Variants in CEP15 observed in about 807,000 individuals in gnomAD.
CEP15 encodes centrosomal protein 15 kDa.
chr3:62,319,110 G>C, the CEP15 span: 1 of 152,446 alleles, frequency 6.6e-6, no homozygotes, highest in Non-Finnish European at 1.5e-5. Context: ...GCCGCGCAGG[G>C]CCTTGCAGGA....
At chr3:62,325,137 G>C in the CEP15 span, among the ~76,000 whole-genome samples, 1 of 152,052 alleles carries the variant, frequency 6.6e-6, no homozygotes, top group African/African-American at 2.4e-5. Flanking sequence ...TTGGTGTGAA[G>C]ACAATTATTA....
At chr3:62,320,327 T>C in the CEP15 span, 3 of 578,008 alleles carry the variant, frequency 5.2e-6, no homozygotes, top group Non-Finnish European at 8.9e-6. Flanking sequence ...TTTCATTTTA[T>C]ACATTATTAC....
the CEP15 span, chr3:62,321,904 CTA>C: frequency 6.5e-7 from 1 of 1,540,448 alleles, no homozygotes. This position sits in a 1 kb window ranked among gnomAD's most constrained non-coding sequence, Gnocchi z 4.1. Flanking sequence ...TTTTTTAACT[CTA>C]TATAATCTTC....
the CEP15 span, among the ~76,000 whole-genome samples, chr3:62,321,231 A>G: frequency 6.6e-6 from 1 of 152,216 alleles, no homozygotes; most frequent in Non-Finnish European, 1.5e-5. This position sits in a 1 kb window ranked among gnomAD's most constrained non-coding sequence, Gnocchi z 4.1. Flanking sequence ...GAACAAAAAC[A>G]TATAAAATAA....
chr3:62,324,857 C>A, the CEP15 span, among the ~76,000 whole-genome samples: 1 of 151,974 alleles, frequency 6.6e-6, no homozygotes. Context: ...GATCTTCTGA[C>A]CAATATAATA....
the CEP15 span, among the ~76,000 whole-genome samples, chr3:62,331,604 T>C: frequency 6.6e-6 from 1 of 152,132 alleles, no homozygotes; most frequent in Non-Finnish European, 1.5e-5. Context: ...TTTTAAAAAG[T>C]TTAGCAGTTG....
the CEP15 span, among the ~76,000 whole-genome samples, chr3:62,326,401 A>T: frequency 9.8e-5 from 15 of 152,318 alleles, 1 homozygote; most frequent in South Asian, 2.9e-3. Flanking sequence ...AGATTAAAAG[A>T]TTAAAACCAG....
At chr3:62,335,923 TG>T in the CEP15 span, 1 of 152,060 alleles carries the variant, frequency 6.6e-6, no homozygotes, top group Non-Finnish European at 1.5e-5. Context: ...TCTTTAAACT[TG>T]AAAAAAAATT....
the CEP15 span, among the ~76,000 whole-genome samples, chr3:62,323,692 T>C: frequency 2.0e-5 from 3 of 152,188 alleles, no homozygotes; most frequent in African/African-American, 7.2e-5. Flanking sequence ...GAAATCGTAG[T>C]CATACATATA....
the CEP15 span, among the ~76,000 whole-genome samples, chr3:62,324,883 T>G: frequency 0.012 from 1,792 of 152,338 alleles, 16 homozygotes; most frequent in Middle Eastern, 0.048. Context: ...TAAAAAGGAA[T>G]GAGCTTTCAC....
At chr3:62,326,636 T>G in the CEP15 span, among the ~76,000 whole-genome samples, 2 of 152,276 alleles carry the variant, frequency 1.3e-5, no homozygotes, top group South Asian at 4.1e-4. Flanking sequence ...GGGAACTTGT[T>G]TTTTAACTGT....
At chr3:62,326,258 CT>C in the CEP15 span, among the ~76,000 whole-genome samples, 3 of 152,134 alleles carry the variant, frequency 2.0e-5, no homozygotes, top group Non-Finnish European at 2.9e-5. Context: ...CCTATCTCTC[CT>C]TTTTCCTTCT....
At chr3:62,333,226 CT>C in the CEP15 span, 1 of 1,602,324 alleles carries the variant, frequency 6.2e-7, no homozygotes. The surrounding 1 kb of genome is among the most constrained non-coding windows in gnomAD (Gnocchi z 4.0). Flanking sequence ...GCTTGATATG[CT>C]TTTTTACTTT....
At chr3:62,327,213 T>C in the CEP15 span, among the ~76,000 whole-genome samples, 1 of 152,252 alleles carries the variant, frequency 6.6e-6, no homozygotes, top group South Asian at 2.1e-4. Flanking sequence ...TAAATTGATC[T>C]AGAGCTGTGC....
At chr3:62,328,448 C>T in the CEP15 span, among the ~76,000 whole-genome samples, 2 of 152,150 alleles carry the variant, frequency 1.3e-5, no homozygotes, top group Non-Finnish European at 2.9e-5. Flanking sequence ...TGATGTAGCT[C>T]TTCTCTGTGT....
the CEP15 span, among the ~76,000 whole-genome samples, chr3:62,326,272 C>G: frequency 3.3e-5 from 5 of 152,166 alleles, no homozygotes; most frequent in African/African-American, 1.2e-4. Flanking sequence ...TTCCTTCTTA[C>G]ATTTCTCACC....
chr3:62,327,286 CAA>C, the CEP15 span, among the ~76,000 whole-genome samples: 1 of 152,128 alleles, frequency 6.6e-6, no homozygotes, highest in African/African-American at 2.4e-5. Flanking sequence ...CCACTTTTAA[CAA>C]AGTCAAAAGA....
At chr3:62,323,370 G>A in the CEP15 span, among the ~76,000 whole-genome samples, 1 of 152,118 alleles carries the variant, frequency 6.6e-6, no homozygotes, top group Non-Finnish European at 1.5e-5. Flanking sequence ...TGTTTCAATA[G>A]GCAGAAGGCA....
chr3:62,323,755 T>G, the CEP15 span: 1 of 152,324 alleles, frequency 6.6e-6, no homozygotes. Context: ...CAATTTGGTA[T>G]GATTTTTCCC....
Sources: allele counts gnomAD v4.1 joint callset (sites outside exome capture counted in the v4.1 genomes callset), GRCh38; gene constraint gnomAD v4.1.1; non-coding constraint Gnocchi (gnomAD v3.1); transcripts MANE v1.5; gene names NCBI Gene and HGNC (gene_info 2026-07-23, HGNC 2026-07-21).